HDC: variants seen among roughly 807,000 people sequenced by gnomAD.
HDC encodes histidine decarboxylase.
Under a neutral mutation model 64.4 loss-of-function variants are expected in HDC, and 27 were observed. The observed-to-expected ratio is 0.42, with a 90% CI of 0.31 to 0.58. HDC has a LOEUF of 0.58. Ranked by LOEUF, HDC falls within the 20% of genes least tolerant of loss-of-function variation. HDC has a pLI of 0.16. For synonymous variants in HDC, 305 were observed against 314.2 expected (o/e 0.97, Z 0.31); for missense variants, 711 against 833.9 (o/e 0.85, Z 1.81).
intron 5 of HDC, 118 bp downstream of exon 5, chr15:50,254,412 C>T (rs2045599306): frequency 6.5e-7 from 1 of 1,529,666 alleles, no homozygotes; most frequent in Admixed American, 1.7e-5. Flanking sequence ...AGACAAGCTC[C>T]CATGTCTGAG....
chr15:50,263,576 C>G, intron 1 of HDC, 169 bp from the exon 2 acceptor site: 1 of 673,404 alleles, frequency 1.5e-6, no homozygotes, highest in East Asian at 2.8e-5. Flanking sequence ...CTGAGGCAGG[C>G]GGATCACGAG....
Position 50,242,377 on chromosome 15 carries a change from C to T in HDC, c.1872G>A (p.Met624Ile). 2.5e-6 allele frequency: 4 copies of T among 1,614,200 alleles called. No individual in the cohort carries two copies. The highest frequency in any genetic ancestry group is 3.4e-6 in the Non-Finnish European group (4 of 1,180,032). ...GTTTTTTGAAGGCACTTTTCTTCAG[C>T]ATCATCATGTCTTCTGGAAACCTGG... Reference protein sequence around the residue: ...IFSRFPEDMMMLKKSAFKKLI... With the variant: ...IFSRFPEDMMILKKSAFKKLI... The change falls in exon 12 of 12, where the codon ATG becomes ATA. Residue 624 changes from methionine (M) to isoleucine (I), a missense_variant. Met to Ile is a conservative substitution (Grantham distance 10). Around this residue, in one of 3 missense-constraint regions of HDC, gnomAD observed 483 missense variants for 540.9 expected, o/e 0.89. Coordinates refer to ENST00000267845, the MANE Select transcript of HDC (RefSeq NM_002112.4).
intron 6 of HDC, 57 bp from the exon 7 acceptor site, chr15:50,253,723 G>T: frequency 2.2e-6 from 3 of 1,394,534 alleles, no homozygotes; most frequent in Non-Finnish European, 3.1e-6. Context: ...GACACATTTG[G>T]CCTGAGAAAG....
At position 50,248,183 on chromosome 15, in the gene HDC, C is replaced by A; in HGVS notation, c.1140+62G>T. 3 of 1,222,042 alleles carry A rather than the reference C, an allele frequency of 2.5e-6. No individual in the cohort carries two copies. The highest frequency in any genetic ancestry group is 2.3e-5 in the East Asian group (1 of 42,638). 75.7% of individuals were successfully genotyped at this position (1,222,042 alleles called of 1,614,324 possible). ...GCAGATCTGCAAAGTAGAAACCAGC[C>A]TTCCTCGCCATGAGAAAACAGAGGA... On this transcript the variant is annotated intron_variant, in intron 10 of 11. Coordinates refer to ENST00000267845, the MANE Select transcript of HDC (RefSeq NM_002112.4). The surrounding 1 kb of genome is among the most constrained non-coding windows in gnomAD (Gnocchi z 4.3).
At chr15:50,252,548 G>T in intron 8 of HDC, 28 bp from the exon 9 acceptor site, 1 of 1,613,994 alleles carries the variant, frequency 6.2e-7, no homozygotes. Flanking sequence ...GGCATTAGTG[G>T]CTGAGGTCTC....
In HDC at chr15:50,257,491, T is replaced by G; in HGVS notation, c.375A>C (p.Lys125Asn). ...AGAAGTGCTCTGGAAGTCCCAGCAT[T>G]TTTGCCAACCAGTCCATGACGTTCA... ...LEMNVMDWLA[K>N]MLGLPEHFLH... The change falls in exon 4 of 12, where the codon AAA becomes AAC. Residue 125 changes from lysine to asparagine, a missense_variant. This residue lies in a region of HDC where 225 missense variants were observed against 276.2 expected (regional missense o/e 0.81). Coordinates refer to ENST00000267845, the MANE Select transcript of HDC (RefSeq NM_002112.4). 6.2e-7 allele frequency: 1 copy of G among 1,614,188 alleles called. No homozygotes were observed. The highest frequency in any genetic ancestry group is 8.5e-7 in the Non-Finnish European group (1 of 1,180,030).
Position 50,248,222 on chromosome 15 carries a change from C to A in HDC, c.1140+23G>T. 6.6e-7 allele frequency: 1 copy of A among 1,517,146 alleles called. No homozygotes were observed. Among genetic ancestry groups the A allele is most frequent in the Non-Finnish European group, 9.2e-7 (1 of 1,091,686 alleles). 94.0% of individuals were successfully genotyped at this position (1,517,146 alleles called of 1,614,324 possible). A position where few individuals can be genotyped will look rare whatever the true frequency, so the allele number is the denominator to read the frequency against. Reference sequence around the variant, plus strand: ...GAAAACAGAGGAACACAGGCTCAGCCCCCACAGCAGCATGCTACATACATG... The same window carrying A: ...GAAAACAGAGGAACACAGGCTCAGCACCCACAGCAGCATGCTACATACATG... On this transcript the variant is annotated intron_variant, in intron 10 of 11. Transcript: ENST00000267845. This position sits in a 1 kb window ranked among gnomAD's most constrained non-coding sequence, Gnocchi z 4.3.
At chr15:50,244,285 CTTTTTTT>C (rs554623599) in intron 10 of HDC, among the ~76,000 whole-genome samples, 8 of 105,176 alleles carry the variant, frequency 7.6e-5, no homozygotes, top group South Asian at 3.3e-4. Context: ...AGCTGAACCT[CTTTTTTT>C]TTTTTTTTTT....
chr15:50,252,809 G>C, intron 7 of HDC, 35 bp from the exon 8 acceptor site: 1 of 1,588,248 alleles, frequency 6.3e-7, no homozygotes, highest in Non-Finnish European at 8.6e-7. Context: ...CGGAGGGGAG[G>C]TATGAAGTGG....
At chr15:50,254,712 C>T in intron 4 of HDC, 48 bp from the exon 5 acceptor site, 1 of 1,592,658 alleles carries the variant, frequency 6.3e-7, no homozygotes, top group African/African-American at 1.3e-5. Context: ...ATTCTCTTGC[C>T]AAATTTCCCC....
At chr15:50,256,993 G>A (rs145603250) in intron 4 of HDC, among the ~76,000 whole-genome samples, 100 of 152,208 alleles carry the variant, frequency 6.6e-4, no homozygotes, top group African/African-American at 2.3e-3. Context: ...CAGAAGATAG[G>A]GTCAGAGGAT....
In HDC at chr15:50,252,516, T is replaced by C; in HGVS notation, c.955A>G (p.Lys319Glu). Residue 319 changes from lysine (K) to glutamate (E), a missense_variant, in exon 9 of 12, where the codon AAG (lysine) becomes GAG (glutamate). Physicochemically the swap from Lys to Glu is moderately conservative, Grantham distance 56. Transcript: ENST00000267845. ...GTCTGCTGCAGCTTGTACTTGTCCT[T>C]GACCCTGTGGGTTTCCAAATGGGCA... ...VHFDCTGFWVKDKYKLQQTFS... is the reference protein window; with the variant it reads ...VHFDCTGFWVEDKYKLQQTFS... The C allele has an allele frequency of 6.2e-7, 1 of 1,614,224 alleles. No homozygotes were observed. The highest frequency in any genetic ancestry group is 8.5e-7 in the Non-Finnish European group (1 of 1,180,038).
At position 50,242,991 on chromosome 15, in the gene HDC, T is replaced by G; in HGVS notation, c.1258A>C (p.Thr420Pro). Residue 420 changes from threonine (T) to proline (P), a missense_variant, in exon 12 of 12, where the codon ACA becomes CCA. Coordinates refer to ENST00000267845, the MANE Select transcript of HDC (RefSeq NM_002112.4). ...VFRLKGPNCLTENVLKEIAKA... is the reference protein window; with the variant it reads ...VFRLKGPNCLPENVLKEIAKA... ...GCTATTTCCTTTAACACATTTTCTG[T>G]GAGACAATTAGGACCCTGTTTGAAA... 6.2e-7 allele frequency: 1 copy of G among 1,613,980 alleles called. No homozygotes were observed. The highest frequency in any genetic ancestry group is 8.5e-7 in the Non-Finnish European group (1 of 1,179,984).
chr15:50,259,157 G>A (rs1298860965), intron 2 of HDC, among the ~76,000 whole-genome samples: 3 of 150,060 alleles, frequency 2.0e-5, no homozygotes, highest in Admixed American at 1.3e-4. Flanking sequence ...GCAAGACTCC[G>A]TCTCAAAAAA....
At chr15:50,264,869 A>T (rs895025258) in intron 1 of HDC, among the ~76,000 whole-genome samples, 2 of 152,108 alleles carry the variant, frequency 1.3e-5, no homozygotes, top group African/African-American at 4.8e-5. Flanking sequence ...CTAACCCTCC[A>T]CTGATCCAGG....
intron 2 of HDC, among the ~76,000 whole-genome samples, chr15:50,262,649 C>A (rs888967058): frequency 2.0e-5 from 3 of 152,200 alleles, no homozygotes; most frequent in Non-Finnish European, 4.4e-5. Flanking sequence ...AAAGTCCCTT[C>A]TTGCTCTTGA....
At chr15:50,250,906 G>A (rs1293573542) in intron 9 of HDC, among the ~76,000 whole-genome samples, 2 of 152,154 alleles carry the variant, frequency 1.3e-5, no homozygotes, top group Non-Finnish European at 2.9e-5. Context: ...TCTAAAGAGG[G>A]TGTGGACTGG....
chr15:50,252,704 G>A lies in HDC; in HGVS notation c.858C>T (p.Phe286=). ...ACTCAATCCCCTTCAGAAACCCCCG[G>A]AACTCGGGGCACAGGAAGGCAGTGC... The part of the protein sequence containing the change: ...YAGTAFLCPE[F]RGFLKGIEYA... Residue 286 remains phenylalanine (F), a synonymous_variant, in exon 8 of 12, where the codon TTC becomes TTT. Coordinates refer to ENST00000267845, the MANE Select transcript of HDC (RefSeq NM_002112.4). 3.1e-6 allele frequency: 5 copies of A among 1,614,104 alleles called. No homozygotes were observed. In the East Asian group the frequency reaches 8.9e-5, roughly 29 times the overall value.
chr15:50,264,051 C>G (rs2045738606), intron 1 of HDC, among the ~76,000 whole-genome samples: 1 of 152,106 alleles, frequency 6.6e-6, no homozygotes, highest in South Asian at 2.1e-4. Flanking sequence ...CATCTATTAA[C>G]TATTTTATAG....
Sources: gnomAD v4.1 joint callset for allele counts (sites outside exome capture counted in the v4.1 genomes callset) on GRCh38, gnomAD v4.1.1 for gene constraint, gnomAD v4.1.1 regional missense constraint, Gnocchi (gnomAD v3.1) non-coding constraint, MANE v1.5 for transcripts, NCBI Gene and HGNC (gene_info 2026-07-23, HGNC 2026-07-21) for gene names.